Variants in EFHB observed in about 807,000 individuals in gnomAD.
EFHB encodes the protein EF-hand domain family member B, also known as EF-hand domain-containing family member B.
EFHB carries 91 observed loss-of-function variants against 87.2 expected under a neutral mutation model. That is an observed-to-expected ratio of 1.04 (90% confidence interval 0.88 to 1.24). The LOEUF (loss-of-function observed/expected upper bound fraction) is 1.24. EFHB is among the 50% of genes most tolerant of loss of function. The probability of loss-of-function intolerance (pLI) is 0.00; values close to 1 mark genes in which losing one functional copy is unlikely to be tolerated. For synonymous variants in EFHB, 325 were observed against 333.6 expected (o/e 0.97, Z 0.28); for missense variants, 1,084 against 998.8 (o/e 1.09, Z -1.15).
rs183604161 is a variant in EFHB at position 19,929,488 on chromosome 3, G to A, written c.789+3742C>T. Among the ~76,000 whole-genome samples, 19 of 151,868 alleles carry A rather than the reference G, an allele frequency of 1.3e-4. No homozygotes were observed. The East Asian group carries it at 3.1e-3, about 25-fold the overall frequency. On this transcript the variant is annotated intron_variant, in intron 1 of 12. Coordinates refer to ENST00000295824, the MANE Select transcript of EFHB (RefSeq NM_144715.4). ...TGGGAGGCTGAGGTGGGTGTATCAC[G>A]AGGTCAGGAGTTCAAGACCAGCCTG...
At chr3:19,908,648 G>GAAAT (rs1559459982) in intron 5 of EFHB, among the ~76,000 whole-genome samples, 37 of 148,424 alleles carry the variant, frequency 2.5e-4, no homozygotes, top group African/African-American at 8.7e-4. Context: ...AAGAAAGAAA[G>GAAAT]AAAGAAAAAG....
intron 6 of EFHB, among the ~76,000 whole-genome samples, chr3:19,900,664 C>T (rs536151402): frequency 7.2e-5 from 11 of 152,204 alleles, no homozygotes; most frequent in African/African-American, 2.6e-4. Flanking sequence ...CACGGTGGCT[C>T]ATACCTGTAA....
chr3:19,935,156 C>T (rs12638170), upstream of EFHB, among the ~76,000 whole-genome samples: 88,205 of 151,942 alleles, frequency 0.58, 26,182 homozygotes, highest in Non-Finnish European at 0.64. Flanking sequence ...AGTGATCCAC[C>T]GCCTCGGCCT....
chr3:19,893,742 G>C (rs1186733322), intron 9 of EFHB, among the ~76,000 whole-genome samples: 2 of 152,082 alleles, frequency 1.3e-5, no homozygotes, highest in Non-Finnish European at 2.9e-5. Flanking sequence ...ACACCTTTGG[G>C]TATCTTCCCC....
chr3:19,944,307 T>C (rs1165076188), intron 1 of EFHB, among the ~76,000 whole-genome samples: 1 of 152,208 alleles, frequency 6.6e-6, no homozygotes, highest in East Asian at 1.9e-4. Context: ...CACCTGCCAC[T>C]GGGAATTTGT....
chr3:19,930,109 C>A (rs1378195486), intron 1 of EFHB, among the ~76,000 whole-genome samples: 1 of 152,136 alleles, frequency 6.6e-6, no homozygotes, highest in Non-Finnish European at 1.5e-5. Context: ...AGTAAGCCAC[C>A]AATAAATATT....
At chr3:19,933,120 A>G (rs1695884867) in intron 1 of EFHB, 110 bp downstream of exon 1, 16 of 1,316,138 alleles carry the variant, frequency 1.2e-5, no homozygotes, top group Non-Finnish European at 6.1e-6. Flanking sequence ...ATCTCATAAA[A>G]TCCTTGTGAT....
At position 19,919,738 on chromosome 3, in the gene EFHB, G is replaced by A. The variant is rs181548876; in HGVS notation, c.996+95C>T. On this transcript the variant is annotated intron_variant, in intron 3 of 12. Transcript: ENST00000295824. ...AGCCTAGTAAAAATATGGGTGGGAAGGAGATTGGAACTGATGAATTTCACT... is the reference window on the plus strand; with the variant it reads ...AGCCTAGTAAAAATATGGGTGGGAAAGAGATTGGAACTGATGAATTTCACT... 5.7e-6 allele frequency: 7 copies of A among 1,224,956 alleles called. No individual in the cohort carries two copies. In the Admixed American group the frequency reaches 1.3e-4, roughly 22 times the overall value. 75.9% of individuals were successfully genotyped at this position (1,224,956 alleles called of 1,614,324 possible).
chr3:19,885,539 A>T (rs1438212207), intron 10 of EFHB, among the ~76,000 whole-genome samples: 1 of 152,228 alleles, frequency 6.6e-6, no homozygotes. Flanking sequence ...AAATTCCTGC[A>T]ATCTTTTTCA....
In EFHB at chr3:19,933,459, T is replaced by G. The variant is rs1218121288; in HGVS notation, c.560A>C (p.Lys187Thr). 6.2e-7 allele frequency: 1 copy of G among 1,614,018 alleles called. No individual in the cohort carries two copies. Among genetic ancestry groups the G allele is most frequent in the Admixed American group, 1.7e-5 (1 of 60,022 alleles). ...TCCAATGTCCACCTCCACAGGAAGC[T>G]TAATCTCTGTGTTGGGTTTCATTAA... ...CVLMKPNTEIKLPVEVDIGLT... is the reference protein window; with the variant it reads ...CVLMKPNTEITLPVEVDIGLT... Residue 187 changes from lysine (K) to threonine (T), a missense_variant, in exon 1 of 13, where the codon AAG becomes ACG. Physicochemically the swap from Lys to Thr is moderately conservative, Grantham distance 78 (BLOSUM62 -1). Transcript: ENST00000295824.
rs761961963 is a variant in EFHB at position 19,888,539 on chromosome 3, T to C, written c.1838A>G (p.Asn613Ser). ...TTCCAGATAGTTAATGAAGCCATCA[T>C]TATCCACATCACAGTAGTCAAATAG... ...DQLFDYCDVD[N>S]DGFINYLEFA... is the part of the protein sequence containing the mutation. The change falls in exon 10 of 13, where the codon AAT becomes AGT. Residue 613 changes from asparagine (N) to serine (S), a missense_variant. Asn to Ser is a conservative substitution (Grantham distance 46). Transcript: ENST00000295824. 1.7e-5 allele frequency: 27 copies of C among 1,591,274 alleles called. No homozygotes were observed. Among genetic ancestry groups the C allele is most frequent in the Non-Finnish European group, 2.3e-5 (27 of 1,167,496 alleles).
chr3:19,917,377 A>G (rs1295468621), intron 4 of EFHB, among the ~76,000 whole-genome samples: 1 of 152,220 alleles, frequency 6.6e-6, no homozygotes, highest in Non-Finnish European at 1.5e-5. Context: ...TTTACATTCC[A>G]AAGTATAATC....
rs189784155 is a variant in EFHB, at chr3:19,879,745, T to C, written c.2388A>G (p.Val796=). 16 of 1,610,486 alleles carry C rather than the reference T, an allele frequency of 9.9e-6. No homozygotes were observed. The highest frequency in any genetic ancestry group is 1.3e-5 in the African/African-American group (1 of 74,994). ...VKLSDEEFEN[V]WNLASKKHHR... is the part of the protein sequence containing the mutation. ...GATGCTTTTTTGATGCAAGATTCCA[T>C]ACATTTTCAAATTCTTCATCAGACA... Residue 796 remains valine, a synonymous_variant, in exon 13 of 13, where the codon GTA becomes GTG. Coordinates refer to ENST00000295824, the MANE Select transcript of EFHB (RefSeq NM_144715.4).
At chr3:19,888,410 A>T in intron 10 of EFHB, 34 bp downstream of exon 10, 1 of 1,201,722 alleles carries the variant, frequency 8.3e-7, no homozygotes, top group Non-Finnish European at 1.1e-6. Flanking sequence ...ATTTAAAAAA[A>T]TAATAATTCA....
At chr3:19,943,577 T>C (rs1279982707) in intron 1 of EFHB, among the ~76,000 whole-genome samples, 2 of 152,114 alleles carry the variant, frequency 1.3e-5, no homozygotes, top group Non-Finnish European at 2.9e-5. Context: ...AAACACAAAA[T>C]AATACAAATT....
In EFHB at chr3:19,934,051, A is replaced by C. The variant is rs780247166; in HGVS notation, c.-33T>G. The C allele has an allele frequency of 6.4e-7, 1 of 1,555,356 alleles. No individual in the cohort carries two copies. Among genetic ancestry groups the C allele is most frequent in the East Asian group, 2.4e-5 (1 of 42,422 alleles). On this transcript the variant is annotated 5_prime_UTR_variant, in exon 1 of 13. Transcript: ENST00000295824. ...TTCTCCCCATTCTCATTTCTCCAAG[A>C]GCGCTCATCTCTAAGGGGAAAGCTG...
chr3:19,896,823 T>C lies in EFHB; in HGVS notation c.1589A>G (p.His530Arg), dbSNP rs754325440. The C allele has an allele frequency of 3.7e-6, 6 of 1,613,186 alleles. No homozygotes were observed. In the African/African-American group the frequency reaches 5.3e-5, roughly 14 times the overall value. Residue 530 changes from histidine to arginine, a missense_variant, in exon 9 of 13, where the codon CAT becomes CGT. By Grantham distance (29) the His-to-Arg change is conservative. Transcript: ENST00000295824. Reference sequence around the variant, plus strand: ...AAGATATTCATCCGGAAGTCTATTATGGATGAGATCACCAACTCCTATTGA... The same window carrying C: ...AAGATATTCATCCGGAAGTCTATTACGGATGAGATCACCAACTCCTATTGA... ...PEEYGVGDLIHNRLPDEYLRG... is the reference protein window; with the variant it reads ...PEEYGVGDLIRNRLPDEYLRG...
chr3:19,938,245 A>G (rs936073571), upstream of EFHB, among the ~76,000 whole-genome samples: 2 of 152,252 alleles, frequency 1.3e-5, no homozygotes, highest in Non-Finnish European at 2.9e-5. Context: ...AGTGTTCCGT[A>G]TCTCAATAGG....
chr3:19,943,873 C>A (rs1696214859), intron 1 of EFHB, among the ~76,000 whole-genome samples: 1 of 152,158 alleles, frequency 6.6e-6, no homozygotes, highest in African/African-American at 2.4e-5. Flanking sequence ...AATATCATAT[C>A]AAATGGTGCT....
Sources: gnomAD v4.1 joint callset for allele counts (sites outside exome capture counted in the v4.1 genomes callset) on GRCh38, gnomAD v4.1.1 for gene constraint, MANE v1.5 for transcripts, NCBI Gene and HGNC (gene_info 2026-07-23, HGNC 2026-07-21) for gene names.